The following IGSF21 variants were observed in gnomAD, a reference collection of about 807,000 sequenced individuals.
IGSF21 encodes the protein immunoglobin superfamily member 21, also known as immunoglobulin superfamily member 21.
Under a neutral mutation model 46.8 loss-of-function variants are expected in IGSF21, and 28 were observed. The observed-to-expected ratio is 0.60, with a 90% CI of 0.44 to 0.82. The LOEUF (loss-of-function observed/expected upper bound fraction) is 0.82, where lower values mean the gene tolerates loss of function less well. Among genes scored for constraint, IGSF21 ranks in the 40% least tolerant of loss-of-function variants. The pLI is 0.00. For missense variants in IGSF21, 624 were observed against 665.5 expected (o/e 0.94, Z 0.69); for synonymous variants, 284 against 273.6 (o/e 1.04, Z -0.38).
At chr1:18,183,537 G>C (rs2086875945) in intron 1 of IGSF21, among the ~76,000 whole-genome samples, 1 of 152,234 alleles carries the variant, frequency 6.6e-6, no homozygotes, top group East Asian at 1.9e-4. Flanking sequence ...CCAGGTCATG[G>C]ATAGCCTTGA....
intron 2 of IGSF21, among the ~76,000 whole-genome samples, chr1:18,272,891 C>A (rs1469559454): frequency 1.3e-5 from 2 of 152,100 alleles, no homozygotes; most frequent in Non-Finnish European, 2.9e-5. Context: ...TGGGAGGAGA[C>A]AATAAAACCA....
intron 3 of IGSF21, among the ~76,000 whole-genome samples, chr1:18,313,349 G>C (rs1471246948): frequency 1.3e-5 from 2 of 152,200 alleles, no homozygotes; most frequent in Admixed American, 6.5e-5. Context: ...TGAGATGTTA[G>C]AGCCACCTGG....
At chr1:18,226,453 A>G (rs2084567627) in intron 1 of IGSF21, among the ~76,000 whole-genome samples, 1 of 152,022 alleles carries the variant, frequency 6.6e-6, no homozygotes, top group Admixed American at 6.5e-5. Flanking sequence ...TGGAAGTTGG[A>G]CCGGTTGGTT....
At chr1:18,282,115 G>T (rs1459729027) in intron 2 of IGSF21, among the ~76,000 whole-genome samples, 1 of 152,170 alleles carries the variant, frequency 6.6e-6, no homozygotes, top group Admixed American at 6.5e-5. Context: ...GGGTCCAGCA[G>T]TTGATGGCCC....
chr1:18,190,537 C>T (rs916716547), intron 1 of IGSF21, among the ~76,000 whole-genome samples: 2 of 152,208 alleles, frequency 1.3e-5, no homozygotes, highest in Non-Finnish European at 2.9e-5. Flanking sequence ...AGAAGGGATT[C>T]TTCACCTCTA....
At chr1:18,367,387 C>CA (rs34089497) in intron 6 of IGSF21, among the ~76,000 whole-genome samples, 34,444 of 151,914 alleles carry the variant, frequency 0.23, 4,640 homozygotes, top group Non-Finnish European at 0.3. Flanking sequence ...TGCATATGAG[C>CA]AAAACTGAGG....
At chr1:18,340,345 A>T (rs866169360) in intron 4 of IGSF21, among the ~76,000 whole-genome samples, 24 of 152,056 alleles carry the variant, frequency 1.6e-4, no homozygotes, top group African/African-American at 5.8e-4. Flanking sequence ...TGTCAGGAAA[A>T]ACCCATCAGG....
intron 1 of IGSF21, among the ~76,000 whole-genome samples, chr1:18,129,867 T>C (rs2086302726): frequency 1.3e-5 from 2 of 152,202 alleles, no homozygotes; most frequent in Admixed American, 6.5e-5. Context: ...AATGGGTGAG[T>C]CTGGCCCCTC....
Position 18,322,446 on chromosome 1 carries a change from G to A in IGSF21, c.306-12446G>A, listed in dbSNP as rs554909450. The stretch of plus-strand genomic sequence containing the variant: ...GCTCTCACCCACCACCAAGTAGAGA[G>A]GCAGAGGCAGAGATTCCTGTTAAAT... On this transcript the variant is annotated intron_variant, in intron 3 of 9. Coordinates refer to ENST00000251296, the MANE Select transcript of IGSF21 (RefSeq NM_032880.5). This position sits in a 1 kb window ranked among gnomAD's most constrained non-coding sequence, Gnocchi z 4.3. 1.3e-5 allele frequency among the ~76,000 whole-genome samples: 2 copies of A among 152,180 alleles called. No individual in the cohort carries two copies. The highest frequency in any genetic ancestry group is 3.9e-4 in the East Asian group (2 of 5,138).
chr1:18,113,567 C>T (rs533838659), intron 1 of IGSF21: 1 of 151,482 alleles, frequency 6.6e-6, no homozygotes, highest in Admixed American at 6.6e-5. Flanking sequence ...TGGCCACATA[C>T]TAAATTTGCT....
intron 1 of IGSF21, among the ~76,000 whole-genome samples, chr1:18,117,434 C>T: frequency 6.6e-6 from 1 of 152,208 alleles, no homozygotes; most frequent in East Asian, 1.9e-4. Flanking sequence ...GTCTAACCAG[C>T]TTTCAGATTC....
chr1:18,170,089 G>GT (rs2086721765), intron 1 of IGSF21, among the ~76,000 whole-genome samples: 1 of 152,200 alleles, frequency 6.6e-6, no homozygotes, highest in South Asian at 2.1e-4. Flanking sequence ...AGTGGTAGCT[G>GT]TGAGTGCCCT....
intron 1 of IGSF21, among the ~76,000 whole-genome samples, chr1:18,149,872 A>G (rs1239601624): frequency 1.3e-5 from 2 of 152,154 alleles, no homozygotes; most frequent in East Asian, 3.9e-4. Flanking sequence ...GATGATGTGG[A>G]ACTCTGAGCA....
At chr1:18,247,798 C>T (rs1039665590) in intron 2 of IGSF21, among the ~76,000 whole-genome samples, 6 of 152,260 alleles carry the variant, frequency 3.9e-5, no homozygotes, top group African/African-American at 1.4e-4. Flanking sequence ...CTGTCATTGT[C>T]CCCATTCTAT....
chr1:18,274,501 C>T (rs1347911479), intron 2 of IGSF21, among the ~76,000 whole-genome samples: 2 of 152,266 alleles, frequency 1.3e-5, no homozygotes, highest in Non-Finnish European at 2.9e-5. Flanking sequence ...CAAATCTGGC[C>T]ATCTGTTTTT....
chr1:18,328,167 C>T (rs774182479), intron 3 of IGSF21, among the ~76,000 whole-genome samples: 100 of 152,272 alleles, frequency 6.6e-4, no homozygotes, highest in African/African-American at 2.1e-3. Context: ...GATGGGATTA[C>T]GTCCCAATAA....
chr1:18,361,400 TTACAA>T (rs1168966132), intron 4 of IGSF21: 5 of 152,294 alleles, frequency 3.3e-5, no homozygotes, highest in African/African-American at 1.2e-4. Context: ...CTGTGACAAG[TTACAA>T]ACAGTTAACC....
intron 1 of IGSF21, among the ~76,000 whole-genome samples, chr1:18,151,161 A>G (rs1161869321): frequency 6.6e-6 from 1 of 152,188 alleles, no homozygotes; most frequent in Non-Finnish European, 1.5e-5. Flanking sequence ...GTCTCTGTTC[A>G]AATCTTCCCT....
intron 3 of IGSF21, among the ~76,000 whole-genome samples, chr1:18,319,137 C>T (rs1024078845): frequency 2.0e-5 from 3 of 152,328 alleles, no homozygotes; most frequent in African/African-American, 4.8e-5. Context: ...GAGGGTGCTC[C>T]TTGGTGTCAG....
Sources: allele counts gnomAD v4.1 joint callset (sites outside exome capture counted in the v4.1 genomes callset), GRCh38; gene constraint gnomAD v4.1.1; non-coding constraint Gnocchi (gnomAD v3.1); transcripts MANE v1.5; gene names NCBI Gene and HGNC (gene_info 2026-07-23, HGNC 2026-07-21).